The following GPR149 variants were observed in gnomAD, a reference collection of about 807,000 sequenced individuals.
GPR149 encodes probable G protein-coupled receptor 149.
GPR149 carries 50 observed loss-of-function variants against 50.2 expected under a neutral mutation model. That is an observed-to-expected ratio of 1.00 (90% CI 0.79 to 1.26). GPR149 has a LOEUF of 1.26. Ranked by LOEUF, GPR149 falls within the 50% of genes most tolerant of loss-of-function variation. GPR149 has a pLI of 0.00. For missense variants in GPR149, 983 were observed against 895.4 expected (o/e 1.10, Z -1.25); for synonymous variants, 405 against 358.2 (o/e 1.13, Z -1.48).
Position 154,351,311 on chromosome 3 carries a change from T to TGCAAAAAAA in GPR149, c.1624-13041_1624-13040insTTTTTTTGC, listed in dbSNP as rs1341107044. Among the ~76,000 whole-genome samples, 20 of 19,706 alleles carry TGCAAAAAAA rather than the reference T, an allele frequency of 1.0e-3. 4 individuals carry two copies. Among genetic ancestry groups the TGCAAAAAAA allele is most frequent in the Non-Finnish European group, 1.1e-3 (12 of 11,338 alleles). The allele number at this position is 19,706 out of a possible 152,430, so 12.9% of individuals were successfully genotyped here. ...GTGCTAGGGCAATTAGACATCCACA[T>TGCAAAAAAA]ACAAAAAAAAAAAAAAAAAAAAAAA... On this transcript the variant is annotated intron_variant, in intron 3 of 3. Coordinates refer to ENST00000389740, the MANE Select transcript of GPR149 (RefSeq NM_001038705.3).
At chr3:154,402,073 A>C (rs912036423) in intron 3 of GPR149, among the ~76,000 whole-genome samples, 2 of 152,190 alleles carry the variant, frequency 1.3e-5, no homozygotes, top group Admixed American at 1.3e-4. Context: ...GTATTTGTGA[A>C]TATTAAGAAA....
intron 3 of GPR149, chr3:154,354,358 T>C: frequency 4.4e-6 from 1 of 229,204 alleles, no homozygotes; most frequent in Non-Finnish European, 8.6e-6. Flanking sequence ...ATAGAGCTCT[T>C]AGTGATAAGG....
intron 3 of GPR149, among the ~76,000 whole-genome samples, chr3:154,413,922 G>A (rs974619083): frequency 4.2e-5 from 6 of 142,384 alleles, no homozygotes; most frequent in African/African-American, 1.5e-4. Context: ...AACAATCAAC[G>A]AGTTGATAAA....
In GPR149 at chr3:154,429,406, A is replaced by G; in HGVS notation, c.210T>C (p.Leu70=). The stretch of plus-strand genomic sequence containing the variant: ...GATCATCCACAGACCAGGAAGCCAC[A>G]AGCATGGACACAACAGTTCTGTTCT... The part of the protein sequence containing the change: ...KMQNRTVVSM[L]VASWSVDDLM... The change falls in exon 1 of 4, where the codon CTT becomes CTC. Residue 70 remains leucine (L), a synonymous_variant. Coordinates refer to ENST00000389740, the MANE Select transcript of GPR149 (RefSeq NM_001038705.3). The G allele has an allele frequency of 1.9e-6, 3 of 1,614,232 alleles. No individual in the cohort carries two copies. Among genetic ancestry groups the G allele is most frequent in the Non-Finnish European group, 2.5e-6 (3 of 1,180,038 alleles).
chr3:154,358,513 C>T (rs1714300543), intron 3 of GPR149, among the ~76,000 whole-genome samples: 1 of 151,944 alleles, frequency 6.6e-6, no homozygotes, highest in African/African-American at 2.4e-5. Context: ...ATCCAAGATA[C>T]TTGAAAAGAA....
intron 3 of GPR149, among the ~76,000 whole-genome samples, chr3:154,377,330 G>A (rs1368179324): frequency 6.8e-6 from 1 of 147,854 alleles, no homozygotes; most frequent in Non-Finnish European, 1.5e-5. Context: ...TGGGCTAGAA[G>A]ATCTTGATCT....
At chr3:154,349,153 A>G (rs1255148735) in intron 3 of GPR149, among the ~76,000 whole-genome samples, 1 of 152,190 alleles carries the variant, frequency 6.6e-6, no homozygotes, top group Non-Finnish European at 1.5e-5. Flanking sequence ...ATACATTAGA[A>G]AAGAGTAATA....
At chr3:154,339,151 C>T (rs1249331167) in intron 3 of GPR149, among the ~76,000 whole-genome samples, 2 of 152,320 alleles carry the variant, frequency 1.3e-5, no homozygotes, top group East Asian at 3.9e-4. Flanking sequence ...ATTCTCAAAA[C>T]TGAGTTTCCA....
chr3:154,362,405 T>C (rs1714433119), intron 3 of GPR149, among the ~76,000 whole-genome samples: 1 of 152,086 alleles, frequency 6.6e-6, no homozygotes, highest in South Asian at 2.1e-4. Context: ...TAGATTTCCA[T>C]ATTCTCCTGT....
At chr3:154,413,942 G>GTATATA (rs3038651) in intron 3 of GPR149, among the ~76,000 whole-genome samples, 11,816 of 147,822 alleles carry the variant, frequency 0.08, 562 homozygotes, top group East Asian at 0.2. Context: ...AGAAATTGTA[G>GTATATA]TATATATATA....
At chr3:154,424,208 T>C (rs184789755) in intron 2 of GPR149, among the ~76,000 whole-genome samples, 3 of 152,050 alleles carry the variant, frequency 2.0e-5, no homozygotes. Flanking sequence ...CACCAGATCT[T>C]TGAACCAAAT....
chr3:154,353,906 C>T (rs551222118), intron 3 of GPR149: 40 of 540,874 alleles, frequency 7.4e-5, no homozygotes, highest in South Asian at 1.4e-4. Flanking sequence ...TTCAGAAATA[C>T]GGAAATAGGA....
intron 3 of GPR149, among the ~76,000 whole-genome samples, chr3:154,342,599 G>T (rs974705717): frequency 1.7e-4 from 26 of 152,098 alleles, no homozygotes; most frequent in Admixed American, 6.5e-4. Flanking sequence ...AGTAGAGACA[G>T]GGTTTTGCCA....
In GPR149 at chr3:154,346,666, C is replaced by T. The variant is rs1515642; in HGVS notation, c.1624-8395G>A. Among the ~76,000 whole-genome samples the T allele has an allele frequency of 7.1e-3, 1,077 of 151,494 alleles. 12 individuals carry two copies. Among genetic ancestry groups the T allele is most frequent in the African/African-American group, 0.025 (1,040 of 41,210 alleles). ...CCCAGGCTGGAGTGAGTGGCACAAT[C>T]TTGGCTCACTGCAATCTCTGCCTCT... On this transcript the variant is annotated intron_variant, in intron 3 of 3. Transcript: ENST00000389740.
chr3:154,408,605 T>C (rs1218169695), intron 3 of GPR149, among the ~76,000 whole-genome samples: 1 of 152,100 alleles, frequency 6.6e-6, no homozygotes, highest in Non-Finnish European at 1.5e-5. Context: ...TAGGTAGCCA[T>C]AATCCTCTCC....
At chr3:154,392,902 C>T (rs1305644677) in intron 3 of GPR149, among the ~76,000 whole-genome samples, 1 of 151,936 alleles carries the variant, frequency 6.6e-6, no homozygotes, top group African/African-American at 2.4e-5. Flanking sequence ...AAAATCTGAA[C>T]AGACCTATAC....
intron 3 of GPR149, among the ~76,000 whole-genome samples, chr3:154,358,659 G>C: frequency 6.6e-6 from 1 of 152,108 alleles, no homozygotes; most frequent in East Asian, 1.9e-4. Flanking sequence ...AAAGAAAGCA[G>C]ATTATAAACC....
intron 3 of GPR149, chr3:154,353,645 G>T (rs1440026341): frequency 1.0e-5 from 14 of 1,368,760 alleles, no homozygotes; most frequent in Non-Finnish European, 1.5e-5. Flanking sequence ...TATCTTTGAA[G>T]TCTTTGGCTA....
At chr3:154,401,768 G>A (rs915870832) in intron 3 of GPR149, among the ~76,000 whole-genome samples, 3 of 152,144 alleles carry the variant, frequency 2.0e-5, no homozygotes, top group Non-Finnish European at 2.9e-5. Flanking sequence ...TAAAATTAGT[G>A]CAGATCAGAT....
Sources: gnomAD v4.1 joint callset for allele counts (sites outside exome capture counted in the v4.1 genomes callset) on GRCh38, gnomAD v4.1.1 for gene constraint, MANE v1.5 for transcripts, NCBI Gene and HGNC (gene_info 2026-07-23, HGNC 2026-07-21) for gene names.